The following GORASP2 variants were observed in gnomAD, a reference collection of about 807,000 sequenced individuals.
GORASP2 encodes the protein Golgi reassembly-stacking protein 2.
Under a neutral mutation model 45.7 loss-of-function variants are expected in GORASP2, and 22 were observed. The ratio of observed to expected loss-of-function variants is 0.48; its 90% CI spans 0.34 to 0.69. The LOEUF (loss-of-function observed/expected upper bound fraction) is 0.69. Ranked by LOEUF, GORASP2 falls within the 30% of genes least tolerant of loss-of-function variation. The pLI, the probability that GORASP2 is intolerant of heterozygous loss-of-function variation, is 0.01. For missense variants in GORASP2, 491 were observed against 562.7 expected (o/e 0.87, Z 1.29); for synonymous variants, 221 against 215.6 (o/e 1.02, Z -0.22).
intron 4 of GORASP2, among the ~76,000 whole-genome samples, 161 bp from the exon 5 acceptor site, chr2:170,951,167 A>C (rs1037009344): frequency 1.3e-5 from 2 of 152,172 alleles, no homozygotes; most frequent in African/African-American, 4.8e-5. Context: ...GCTTGAATTA[A>C]TATATTGAAT....
intron 5 of GORASP2, chr2:170,954,259 C>T (rs745473415): frequency 2.4e-5 from 4 of 163,868 alleles, no homozygotes; most frequent in Admixed American, 6.2e-5. Flanking sequence ...CAAATGTCTG[C>T]CATGTGCCGG....
intron 1 of GORASP2, chr2:170,929,660 G>A: frequency 1.6e-6 from 1 of 613,434 alleles, no homozygotes. Context: ...GACTCGGCCA[G>A]GGGGCGGCCC....
At chr2:170,936,224 C>CTTTTT (rs3079542) in intron 1 of GORASP2, among the ~76,000 whole-genome samples, 10 of 119,002 alleles carry the variant, frequency 8.4e-5, no homozygotes, top group South Asian at 2.6e-4. Context: ...TTGAAACTGA[C>CTTTTT]TTTTTTTTTT....
intron 5 of GORASP2, 124 bp downstream of exon 5, chr2:170,951,582 AGGGAAGAG>A: frequency 1.3e-6 from 1 of 776,884 alleles, no homozygotes; most frequent in Non-Finnish European, 2.0e-6. Flanking sequence ...CTTAAAAAAA[AGGGAAGAG>A]CTAGTCTAGA....
At chr2:170,954,395 A>G in intron 5 of GORASP2, 1 of 396,598 alleles carries the variant, frequency 2.5e-6, no homozygotes, top group South Asian at 3.9e-5. Flanking sequence ...AAAATAAAGG[A>G]GTAAGGGTGA....
intron 5 of GORASP2, among the ~76,000 whole-genome samples, chr2:170,952,429 G>A (rs1704319300): frequency 6.6e-6 from 1 of 152,092 alleles, no homozygotes; most frequent in South Asian, 2.1e-4. Context: ...GTCTTTTTGT[G>A]CTTCTGTTTT....
At chr2:170,939,248 T>G (rs1346806339) in intron 1 of GORASP2, among the ~76,000 whole-genome samples, 1 of 152,256 alleles carries the variant, frequency 6.6e-6, no homozygotes, top group Non-Finnish European at 1.5e-5. Context: ...TACAATTTTA[T>G]TTTAAATTGC....
chr2:170,949,056 CA>C (rs1326420519), intron 2 of GORASP2, among the ~76,000 whole-genome samples: 1 of 152,006 alleles, frequency 6.6e-6, no homozygotes, highest in East Asian at 1.9e-4. Context: ...AAATAAAGGC[CA>C]ACATCTGGCC....
chr2:170,930,431 G>A (rs957286058), intron 1 of GORASP2, among the ~76,000 whole-genome samples: 3 of 152,224 alleles, frequency 2.0e-5, no homozygotes, highest in Non-Finnish European at 4.4e-5. Context: ...TCACAGGCAA[G>A]AACGTTTTCA....
chr2:170,946,468 C>A (rs1704184141), intron 1 of GORASP2, among the ~76,000 whole-genome samples: 1 of 152,052 alleles, frequency 6.6e-6, no homozygotes, highest in Admixed American at 6.6e-5. Context: ...ATTTGACAGT[C>A]CATTATCAAA....
Position 170,945,159 on chromosome 2 carries a change from CTG to C in GORASP2, c.64-3190_64-3189del, listed in dbSNP as rs1307887834. On this transcript the variant is annotated intron_variant, in intron 1 of 9. Coordinates refer to ENST00000234160, the MANE Select transcript of GORASP2 (RefSeq NM_015530.5). The stretch of plus-strand genomic sequence containing the variant: ...AATATGAAATAACCCCCATAGAAAA[CTG>C]AGTATACAGAAACTAAAAGCTGGGT... 7.2e-5 allele frequency among the ~76,000 whole-genome samples: 11 copies of C among 152,112 alleles called. No homozygotes were observed. In the East Asian group the frequency reaches 2.1e-3, roughly 29 times the overall value.
intron 5 of GORASP2, among the ~76,000 whole-genome samples, chr2:170,952,053 C>A (rs1352977355): frequency 6.6e-6 from 1 of 152,210 alleles, no homozygotes; most frequent in Non-Finnish European, 1.5e-5. Flanking sequence ...AAAATTTATT[C>A]ATTACAAGAG....
intron 5 of GORASP2, 31 bp downstream of exon 5, chr2:170,951,489 T>C: frequency 6.6e-7 from 1 of 1,518,074 alleles, no homozygotes; most frequent in South Asian, 1.2e-5. Flanking sequence ...AAGTTATGAC[T>C]GCTTAAACAT....
rs910724819 is a variant in GORASP2, at chr2:170,954,572, CG to C, written c.567-77del. ...CTTGAATCTATGCTCTTGGGTTACC[CG>C]CCCCCCCCAAAAAAAACACCTCAAA... On this transcript the variant is annotated intron_variant, in intron 5 of 9. Transcript: ENST00000234160. 6 of 1,228,104 alleles carry C rather than the reference CG, an allele frequency of 4.9e-6. No individual in the cohort carries two copies. In the African/African-American group the frequency reaches 9.1e-5, roughly 19 times the overall value. The allele number at this position is 1,228,104 out of a possible 1,614,324, so 76.1% of individuals were successfully genotyped here.
chr2:170,966,637 A>T lies in GORASP2; in HGVS notation c.*507A>T. The T allele has an allele frequency of 6.0e-6, 1 of 167,952 alleles. No homozygotes were observed. The highest frequency in any genetic ancestry group is 1.3e-5 in the Non-Finnish European group (1 of 76,910). 10.4% of individuals were successfully genotyped at this position (167,952 alleles called of 1,614,324 possible). A position where few individuals can be genotyped will look rare whatever the true frequency, so the allele number is the denominator to read the frequency against. On this transcript the variant is annotated 3_prime_UTR_variant, in exon 10 of 10. Coordinates refer to ENST00000234160, the MANE Select transcript of GORASP2 (RefSeq NM_015530.5). ...CATCTCTACTAAGGTTTACACAGGAATTCCACCTGAAGACTTGTGTTAAAG... is the reference window on the plus strand; with the variant it reads ...CATCTCTACTAAGGTTTACACAGGATTTCCACCTGAAGACTTGTGTTAAAG...
chr2:170,957,333 A>G (rs1217195818), intron 7 of GORASP2, among the ~76,000 whole-genome samples: 3 of 152,014 alleles, frequency 2.0e-5, no homozygotes, highest in Non-Finnish European at 2.9e-5. Context: ...CCGGAGTACA[A>G]TGGCATGGTC....
At chr2:170,965,201 C>T (rs1704656788) in intron 9 of GORASP2, among the ~76,000 whole-genome samples, 1 of 152,156 alleles carries the variant, frequency 6.6e-6, no homozygotes, top group African/African-American at 2.4e-5. Context: ...AGGCGTGAGC[C>T]ACCACGCCTG....
At chr2:170,959,826 T>TC (rs1199932032) in intron 7 of GORASP2, among the ~76,000 whole-genome samples, 1 of 147,754 alleles carries the variant, frequency 6.8e-6, no homozygotes, top group African/African-American at 2.5e-5. Context: ...TTTTTCTTTT[T>TC]TTTTTTTTTT....
rs1025418083 is a variant in GORASP2, at chr2:170,935,687, C to G, written c.63+6284C>G. Among the ~76,000 whole-genome samples, 37 of 151,744 alleles carry G rather than the reference C, an allele frequency of 2.4e-4. 1 individual carries two copies. Among genetic ancestry groups the G allele is most frequent in the Non-Finnish European group, 2.1e-4 (14 of 67,928 alleles). Reference sequence around the variant, plus strand: ...TCCCAGGCTCAAGTGATCCTCCCCCCTCTCAGCCTCCCCAGTAGCTGGGAC... The same window carrying G: ...TCCCAGGCTCAAGTGATCCTCCCCCGTCTCAGCCTCCCCAGTAGCTGGGAC... On this transcript the variant is annotated intron_variant, in intron 1 of 9. Transcript: ENST00000234160.
Sources: gnomAD v4.1 joint callset for allele counts (sites outside exome capture counted in the v4.1 genomes callset) on GRCh38, gnomAD v4.1.1 for gene constraint, MANE v1.5 for transcripts, NCBI Gene and HGNC (gene_info 2026-07-23, HGNC 2026-07-21) for gene names.